NCAM2: variants seen among roughly 807,000 people sequenced by gnomAD.
NCAM2 encodes N-CAM-2.
A neutral mutation model predicts 98.1 loss-of-function variants in NCAM2; 30 were observed. That is an observed-to-expected ratio of 0.31 (90% CI 0.23 to 0.41). NCAM2 has a LOEUF of 0.41. Ranked by LOEUF, NCAM2 falls within the 10% of genes least tolerant of loss-of-function variation. The probability of loss-of-function intolerance (pLI) is 1.00; values close to 1 mark genes in which losing one functional copy is unlikely to be tolerated. For synonymous variants in NCAM2, 368 were observed against 342.4 expected, an observed-to-expected ratio of 1.07 and a Z score of -0.83; for missense variants, 867 against 1,005.8, an observed-to-expected ratio of 0.86 and a Z score of 1.87.
intron 5 of NCAM2, among the ~76,000 whole-genome samples, chr21:21,320,376 C>G (rs147931125): frequency 0.016 from 2,404 of 152,034 alleles, 25 homozygotes; most frequent in Non-Finnish European, 0.023. Context: ...TCCTTATGCC[C>G]ATCATTTTAT....
chr21:21,381,387 T>G (rs2076150911), intron 9 of NCAM2, among the ~76,000 whole-genome samples: 4 of 59,130 alleles, frequency 6.8e-5, no homozygotes, highest in African/African-American at 1.6e-4. Context: ...TTATATTCTG[T>G]TTTTTTTCCT....
At chr21:21,178,571 T>A (rs903202284) in intron 1 of NCAM2, among the ~76,000 whole-genome samples, 8 of 152,062 alleles carry the variant, frequency 5.3e-5, no homozygotes, top group African/African-American at 9.7e-5. Context: ...GTTTATGCTA[T>A]GAGCCAGACA....
At chr21:21,124,274 T>A (rs1054396874) in intron 1 of NCAM2, among the ~76,000 whole-genome samples, 2 of 152,212 alleles carry the variant, frequency 1.3e-5, no homozygotes, top group East Asian at 1.9e-4. Flanking sequence ...ATAATATTTT[T>A]AAATTATTTA....
At chr21:21,465,402 G>A (rs1298472590) in intron 12 of NCAM2, among the ~76,000 whole-genome samples, 1 of 151,852 alleles carries the variant, frequency 6.6e-6, no homozygotes, top group African/African-American at 2.4e-5. Flanking sequence ...GCAACATAGT[G>A]AGACCCCATC....
chr21:21,485,721 C>CAT (rs1264107885), intron 15 of NCAM2, among the ~76,000 whole-genome samples: 1 of 152,118 alleles, frequency 6.6e-6, no homozygotes, highest in Non-Finnish European at 1.5e-5. Context: ...ACCAGATGTA[C>CAT]ATATATGCAT....
chr21:21,103,348 C>T (rs1347750586), intron 1 of NCAM2, among the ~76,000 whole-genome samples: 3 of 151,858 alleles, frequency 2.0e-5, no homozygotes, highest in African/African-American at 7.3e-5. Context: ...GGAAACTTAA[C>T]AAAAGGCTGA....
chr21:21,151,386 CT>C (rs1455114145), intron 1 of NCAM2, among the ~76,000 whole-genome samples: 4 of 152,012 alleles, frequency 2.6e-5, no homozygotes, highest in African/African-American at 7.2e-5. Context: ...TTTGAAAAGA[CT>C]ATTCAGTAGT....
intron 1 of NCAM2, among the ~76,000 whole-genome samples, chr21:21,176,246 A>C (rs1487199709): frequency 6.6e-6 from 1 of 152,184 alleles, no homozygotes; most frequent in African/African-American, 2.4e-5. Flanking sequence ...GATCAAATCA[A>C]TCATACATTA....
At chr21:21,387,224 A>G (rs2076289998) in intron 9 of NCAM2, among the ~76,000 whole-genome samples, 1 of 147,542 alleles carries the variant, frequency 6.8e-6, no homozygotes, top group Admixed American at 6.8e-5. Context: ...ACACACACAC[A>G]AATCTGGTGT....
intron 11 of NCAM2, among the ~76,000 whole-genome samples, chr21:21,421,619 C>T (rs191084086): frequency 2.6e-5 from 4 of 152,152 alleles, no homozygotes. Flanking sequence ...ACAATCTGTC[C>T]TGCAGAATCC....
intron 1 of NCAM2, among the ~76,000 whole-genome samples, chr21:21,204,280 G>A (rs1321230040): frequency 6.6e-6 from 1 of 152,054 alleles, no homozygotes; most frequent in African/African-American, 2.4e-5. Context: ...GCCATGCCAT[G>A]TAATAAAAAT....
intron 8 of NCAM2, among the ~76,000 whole-genome samples, chr21:21,363,059 G>A (rs889889497): frequency 2.0e-5 from 3 of 152,120 alleles, no homozygotes; most frequent in African/African-American, 7.2e-5. Flanking sequence ...ATTTTTAGTA[G>A]CATATTCATT....
chr21:21,479,221 A>G (rs1245542083), intron 15 of NCAM2, among the ~76,000 whole-genome samples: 2 of 152,154 alleles, frequency 1.3e-5, no homozygotes, highest in African/African-American at 2.4e-5. Context: ...TAGATAAAAC[A>G]TAAAATCAAA....
chr21:21,382,675 G>A (rs376614998), intron 9 of NCAM2, among the ~76,000 whole-genome samples: 2 of 151,696 alleles, frequency 1.3e-5, no homozygotes, highest in East Asian at 1.9e-4. Context: ...GCCACCATGC[G>A]AGGCTAATTT....
chr21:21,462,798 C>T (rs182016133), intron 12 of NCAM2, among the ~76,000 whole-genome samples: 31 of 151,926 alleles, frequency 2.0e-4, no homozygotes, highest in Middle Eastern at 3.4e-3. Context: ...TTTCTGTTGC[C>T]GTGTTAAAGA....
intron 5 of NCAM2, among the ~76,000 whole-genome samples, chr21:21,311,201 A>G (rs2074039369): frequency 6.6e-6 from 1 of 152,196 alleles, no homozygotes; most frequent in South Asian, 2.1e-4. Context: ...TCTTGAGTCT[A>G]CAAATATATT....
At chr21:21,436,613 G>T (rs758963670) in intron 12 of NCAM2, among the ~76,000 whole-genome samples, 1 of 152,012 alleles carries the variant, frequency 6.6e-6, no homozygotes, top group African/African-American at 2.4e-5. Context: ...ATTGTTTCAA[G>T]TACCAAAAGC....
At chr21:21,291,604 T>A (rs1366467943) in intron 4 of NCAM2, among the ~76,000 whole-genome samples, 2 of 151,964 alleles carry the variant, frequency 1.3e-5, no homozygotes, top group East Asian at 3.9e-4. Context: ...ATATAATCTT[T>A]TTTATATCCT....
At chr21:21,342,429 C>G (rs2075067745) in intron 8 of NCAM2, among the ~76,000 whole-genome samples, 1 of 152,164 alleles carries the variant, frequency 6.6e-6, no homozygotes. Context: ...ACATGGCTCA[C>G]TTAAGTGGCT....
Sources: allele counts gnomAD v4.1 joint callset (sites outside exome capture counted in the v4.1 genomes callset), GRCh38; gene constraint gnomAD v4.1.1; transcripts MANE v1.5; gene names NCBI Gene and HGNC (gene_info 2026-07-23, HGNC 2026-07-21).